The following SCML4 variants were observed in gnomAD, a reference collection of about 807,000 sequenced individuals.
The protein encoded by SCML4 is sex comb on midleg-like protein 4.
A neutral mutation model predicts 41.1 loss-of-function variants in SCML4; 34 were observed. The observed-to-expected ratio is 0.83, with a 90% confidence interval of 0.63 to 1.10. The LOEUF (loss-of-function observed/expected upper bound fraction) is 1.10, where lower values mean the gene tolerates loss of function less well. SCML4 is among the 50% of genes least tolerant of loss of function. The pLI is 0.00. For missense variants in SCML4, 522 were observed against 534.1 expected (o/e 0.98, Z 0.22); for synonymous variants, 214 against 220.9 (o/e 0.97, Z 0.28).
At chr6:107,792,226 C>A (rs1782385193) in intron 1 of SCML4, among the ~76,000 whole-genome samples, 1 of 152,114 alleles carries the variant, frequency 6.6e-6, no homozygotes, top group Non-Finnish European at 1.5e-5. Context: ...GATGACAGCA[C>A]CAACCTGCAG....
At position 107,740,660 on chromosome 6, in the gene SCML4, A is replaced by C. The variant is rs557533313; in HGVS notation, c.682+4289T>G. Among the ~76,000 whole-genome samples, 9 of 152,336 alleles carry C rather than the reference A, an allele frequency of 5.9e-5. 1 individual carries two copies. Among genetic ancestry groups the C allele is most frequent in the African/African-American group, 1.9e-4 (8 of 41,570 alleles). ...GGAGGTGCGAGAGGGCTTCAGCTGA[A>C]TCTAGAGATTTACCCCCAGAGGCCT... On this transcript the variant is annotated intron_variant, in intron 5 of 7. Transcript: ENST00000369020.
the SCML4 span, among the ~76,000 whole-genome samples, chr6:107,841,156 TAAA>T: frequency 0.75 from 111,902 of 149,004 alleles, 42,677 homozygotes; most frequent in East Asian, 0.92. Flanking sequence ...TATAAACTGC[TAAA>T]AAAAAAAAAA....
chr6:107,747,572 A>G (rs1319831347), intron 3 of SCML4, among the ~76,000 whole-genome samples: 1 of 150,172 alleles, frequency 6.7e-6, no homozygotes, highest in Non-Finnish European at 1.5e-5. Flanking sequence ...TTTTACAGGA[A>G]AGTATCTAAT....
At chr6:107,830,958 C>A in the SCML4 span, among the ~76,000 whole-genome samples, 50 of 152,252 alleles carry the variant, frequency 3.3e-4, 1 homozygote, top group South Asian at 7.5e-3. Flanking sequence ...CCCAGTGTAC[C>A]CTCAGTACTC....
chr6:107,748,407 G>GT (rs1328877406), intron 3 of SCML4, among the ~76,000 whole-genome samples: 3 of 151,848 alleles, frequency 2.0e-5, no homozygotes, highest in Admixed American at 1.3e-4. Flanking sequence ...TTGTTTTTTT[G>GT]TTTTTTTGAG....
intron 5 of SCML4, among the ~76,000 whole-genome samples, chr6:107,727,243 G>C (rs1297124549): frequency 6.6e-6 from 1 of 152,160 alleles, no homozygotes; most frequent in Non-Finnish European, 1.5e-5. Context: ...GGTTGCTTAG[G>C]GATTGGGGTT....
chr6:107,843,223 G>A, the SCML4 span, among the ~76,000 whole-genome samples: 6 of 152,044 alleles, frequency 3.9e-5, no homozygotes, highest in East Asian at 7.7e-4. Context: ...ACAAACAAAC[G>A]ATTGATCAAA....
chr6:107,837,592 T>C, the SCML4 span, among the ~76,000 whole-genome samples: 1 of 152,230 alleles, frequency 6.6e-6, no homozygotes. Flanking sequence ...ACAGCCTAAC[T>C]GGTGGCCTGT....
At chr6:107,806,328 C>T (rs1783728477) in intron 1 of SCML4, among the ~76,000 whole-genome samples, 1 of 152,216 alleles carries the variant, frequency 6.6e-6, no homozygotes, top group Non-Finnish European at 1.5e-5. Context: ...GCAGGAAGCC[C>T]ACTTCTGGCC....
Position 107,705,276 on chromosome 6 carries a change from T to C in SCML4, c.1169A>G (p.Lys390Arg), listed in dbSNP as rs1331444187. The change falls in exon 8 of 8, where the codon AAG (lysine) becomes AGG (arginine). Residue 390 changes from lysine to arginine, a missense_variant. By Grantham distance (26) the Lys-to-Arg change is conservative. Coordinates refer to ENST00000369020, the MANE Select transcript of SCML4 (RefSeq NM_198081.5). The stretch of plus-strand genomic sequence containing the variant: ...AGGTCCCAGCTTCAGGCCCAGGTAC[T>C]TCATGACCATGTCACTCTTCAGCAA... ...LLLLKSDMVM[K>R]YLGLKLGPAL... 6.4e-7 allele frequency: 1 copy of C among 1,551,586 alleles called. No homozygotes were observed. The highest frequency in any genetic ancestry group is 8.7e-7 in the Non-Finnish European group (1 of 1,146,680).
the SCML4 span, among the ~76,000 whole-genome samples, chr6:107,832,430 C>G: frequency 6.6e-6 from 1 of 152,116 alleles, no homozygotes; most frequent in Admixed American, 6.5e-5. Context: ...TCCCACCCAG[C>G]ACAAGGGAGA....
chr6:107,761,442 G>GTT (rs372225961), intron 2 of SCML4, among the ~76,000 whole-genome samples: 1 of 20,098 alleles, frequency 5.0e-5, no homozygotes, highest in African/African-American at 7.5e-5. Context: ...AATATCTTTG[G>GTT]TTTTTTTTTT....
At chr6:107,796,391 T>A (rs1051641211) in intron 1 of SCML4, among the ~76,000 whole-genome samples, 1 of 152,204 alleles carries the variant, frequency 6.6e-6, no homozygotes, top group Non-Finnish European at 1.5e-5. Context: ...TCCTGTATTA[T>A]TAGAGATGCT....
chr6:107,749,752 G>A lies in SCML4; in HGVS notation c.218C>T (p.Pro73Leu). 6.2e-7 allele frequency: 1 copy of A among 1,614,062 alleles called. No individual in the cohort carries two copies. Among genetic ancestry groups the A allele is most frequent in the Non-Finnish European group, 8.5e-7 (1 of 1,179,988 alleles). The change falls in exon 3 of 8, where the codon CCC becomes CTC. Residue 73 changes from proline (P) to leucine (L), a missense_variant. Transcript: ENST00000369020. The stretch of plus-strand genomic sequence containing the variant: ...GTCCTGAGGGATGGAGCTGAGGTCG[G>A]GCTCTGGGGTACTCCGCGGAGGTGA... ...ALSPPRSTPE[P>L]DLSSIPQDAA...
intron 5 of SCML4, 23 bp downstream of exon 5, chr6:107,744,925 TG>T: frequency 6.5e-7 from 1 of 1,540,040 alleles, no homozygotes; most frequent in Non-Finnish European, 8.8e-7. Flanking sequence ...TCCCTGCAGG[TG>T]GGGGAAGCAG....
intron 1 of SCML4, among the ~76,000 whole-genome samples, chr6:107,791,153 T>C (rs1202143113): frequency 3.3e-5 from 5 of 151,906 alleles, no homozygotes; most frequent in Non-Finnish European, 5.9e-5. Flanking sequence ...AATTCTTAAT[T>C]TCCAGAGCAA....
intron 5 of SCML4, among the ~76,000 whole-genome samples, chr6:107,737,628 T>A (rs868041671): frequency 6.6e-6 from 1 of 151,982 alleles, no homozygotes; most frequent in African/African-American, 2.4e-5. Context: ...CCACACTCTA[T>A]CACTCAGGGT....
At chr6:107,750,392 C>T (rs1218527720) in intron 2 of SCML4, among the ~76,000 whole-genome samples, 1 of 152,210 alleles carries the variant, frequency 6.6e-6, no homozygotes, top group African/African-American at 2.4e-5. Flanking sequence ...GATGATTTCA[C>T]TTGAAACCAC....
chr6:107,804,042 T>C (rs1444587858), intron 1 of SCML4, among the ~76,000 whole-genome samples: 14 of 110,560 alleles, frequency 1.3e-4, no homozygotes, highest in African/African-American at 5.2e-4. Flanking sequence ...CCAAGAATGA[T>C]CAATAACAAA....
Sources: gnomAD v4.1 joint callset for allele counts (sites outside exome capture counted in the v4.1 genomes callset) on GRCh38, gnomAD v4.1.1 for gene constraint, MANE v1.5 for transcripts, NCBI Gene and HGNC (gene_info 2026-07-23, HGNC 2026-07-21) for gene names.